Variants in ALPK2 observed in about 807,000 individuals in gnomAD.
ALPK2 encodes the protein alpha kinase 2, also known as alpha-protein kinase 2.
In ALPK2, 127 loss-of-function variants were observed where a neutral mutation model predicts 163.1. The ratio of observed to expected loss-of-function variants is 0.78; its 90% CI spans 0.67 to 0.90. The LOEUF is 0.90. ALPK2 is among the 40% of genes least tolerant of loss of function. The pLI, the probability that ALPK2 is intolerant of heterozygous loss-of-function variation, is 0.00. For missense variants in ALPK2, 2,360 were observed against 2,589.6 expected, an observed-to-expected ratio of 0.91 and a Z score of 1.92; for synonymous variants, 953 against 959.1, an observed-to-expected ratio of 0.99 and a Z score of 0.12.
chr18:58,522,982 A>G (rs2144131905), intron 8 of ALPK2, among the ~76,000 whole-genome samples: 1 of 150,148 alleles, frequency 6.7e-6, no homozygotes, highest in South Asian at 2.1e-4. Context: ...TTACATATGT[A>G]TACATGTGCC....
chr18:58,616,528 G>A (rs12326179), intron 1 of ALPK2, among the ~76,000 whole-genome samples: 3,010 of 152,214 alleles, frequency 0.02, 99 homozygotes, highest in African/African-American at 0.069. Context: ...GTTGTCAATC[G>A]TGCCTATGTA....
chr18:58,525,282 G>C (rs1456789364), intron 6 of ALPK2, among the ~76,000 whole-genome samples: 1 of 152,164 alleles, frequency 6.6e-6, no homozygotes, highest in Non-Finnish European at 1.5e-5. Flanking sequence ...TGGGGTCTCT[G>C]AACATATCCC....
At chr18:58,555,985 C>T (rs1402848659) in intron 4 of ALPK2, among the ~76,000 whole-genome samples, 1 of 152,098 alleles carries the variant, frequency 6.6e-6, no homozygotes, top group Admixed American at 6.5e-5. Context: ...CCACGCCTGG[C>T]TAATTTTTGT....
chr18:58,488,371 T>A (rs1436710362), intron 12 of ALPK2, among the ~76,000 whole-genome samples: 2 of 149,850 alleles, frequency 1.3e-5, no homozygotes, highest in Admixed American at 1.4e-4. Flanking sequence ...CTCATCCTAA[T>A]AATGAATGGC....
rs537288709 is a variant in ALPK2 at position 58,522,095 on chromosome 18, CTG to C, written c.5665+1709_5665+1710del. ...ATCTTTAAGATGCTAGTTCAATTAA[CTG>C]TCAGAATTTATCCAATTTCTCCTAA... On this transcript the variant is annotated intron_variant, in intron 8 of 12. Coordinates refer to ENST00000361673, the MANE Select transcript of ALPK2 (RefSeq NM_052947.4). Among the ~76,000 whole-genome samples, 48 of 152,362 alleles carry C rather than the reference CTG, an allele frequency of 3.2e-4. No individual in the cohort carries two copies. The South Asian group carries it at 8.9e-3, about 28-fold the overall frequency.
chr18:58,514,715 A>G lies in ALPK2; in HGVS notation c.6029+278T>C, dbSNP rs2051512022. Among the ~76,000 whole-genome samples the G allele has an allele frequency of 2.6e-5, 4 of 151,788 alleles. No homozygotes were observed. In the South Asian group the frequency reaches 8.3e-4, roughly 32 times the overall value. On this transcript the variant is annotated intron_variant, in intron 10 of 12. Coordinates refer to ENST00000361673, the MANE Select transcript of ALPK2 (RefSeq NM_052947.4). Reference sequence around the variant, plus strand: ...CTTTTCTATTTAACATGGTAGATTCATTTATTGGCTGGATTAATCCATACA... The same window carrying G: ...CTTTTCTATTTAACATGGTAGATTCGTTTATTGGCTGGATTAATCCATACA...
intron 3 of ALPK2, among the ~76,000 whole-genome samples, chr18:58,592,832 CACTT>C (rs753563986): frequency 2.0e-4 from 30 of 152,190 alleles, no homozygotes; most frequent in Non-Finnish European, 3.5e-4. Flanking sequence ...TTGGAGAAGC[CACTT>C]GACAGCTCTG....
intron 4 of ALPK2, among the ~76,000 whole-genome samples, chr18:58,555,263 G>C (rs888284520): frequency 6.6e-6 from 1 of 152,186 alleles, no homozygotes; most frequent in Non-Finnish European, 1.5e-5. Context: ...TGTGGATTTG[G>C]AAGTAATTAA....
At chr18:58,569,203 G>T (rs373029517) in intron 4 of ALPK2, among the ~76,000 whole-genome samples, 3 of 152,122 alleles carry the variant, frequency 2.0e-5, no homozygotes, top group Non-Finnish European at 2.9e-5. Context: ...CCCAGTCTTG[G>T]GGGGGAGAAA....
intron 4 of ALPK2, among the ~76,000 whole-genome samples, chr18:58,540,235 G>A (rs1185875860): frequency 6.6e-6 from 1 of 151,982 alleles, no homozygotes; most frequent in Non-Finnish European, 1.5e-5. Flanking sequence ...GACAGCTGTA[G>A]CCAACTTCAC....
At chr18:58,560,447 C>A (rs1413544973) in intron 4 of ALPK2, among the ~76,000 whole-genome samples, 3 of 152,324 alleles carry the variant, frequency 2.0e-5, no homozygotes, top group African/African-American at 7.2e-5. Flanking sequence ...TGGCCTGCAT[C>A]CCTTGGCACA....
At chr18:58,508,846 G>A (rs1449740650) in intron 10 of ALPK2, among the ~76,000 whole-genome samples, 1 of 151,806 alleles carries the variant, frequency 6.6e-6, no homozygotes, top group Non-Finnish European at 1.5e-5. Flanking sequence ...TCTGGATTGG[G>A]ACCCCTTTCC....
intron 3 of ALPK2, among the ~76,000 whole-genome samples, chr18:58,589,005 T>C (rs954642745): frequency 2.0e-5 from 3 of 152,186 alleles, no homozygotes; most frequent in Admixed American, 2.0e-4. Flanking sequence ...GTTTTGACCC[T>C]GAGGATCCCT....
In ALPK2 at chr18:58,597,661, C is replaced by T. The variant is rs2052047588; in HGVS notation, c.227+9661G>A. ...TTCTGAACCAGTGGGTCCCTGTCCA[C>T]CCCCACTGGCTCATCTTAGTCTGGC... On this transcript the variant is annotated intron_variant, in intron 3 of 12. Coordinates refer to ENST00000361673, the MANE Select transcript of ALPK2 (RefSeq NM_052947.4). Among the ~76,000 whole-genome samples the T allele has an allele frequency of 2.0e-5, 3 of 152,194 alleles. No homozygotes were observed. The South Asian group carries it at 6.2e-4, about 32-fold the overall frequency.
intron 9 of ALPK2, among the ~76,000 whole-genome samples, chr18:58,516,098 A>T (rs1245095101): frequency 4.6e-5 from 7 of 152,156 alleles, no homozygotes. Context: ...ATGCGCCTGT[A>T]GTCCTAGCTA....
At chr18:58,544,431 T>C (rs1055733403) in intron 4 of ALPK2, 2 of 152,222 alleles carry the variant, frequency 1.3e-5, no homozygotes, top group South Asian at 4.1e-4. Context: ...GCCAGCCAAG[T>C]GCATGACACT....
In ALPK2 at chr18:58,523,930, T is replaced by C; in HGVS notation, c.5629+5A>G. ...AGTGGTTTTTCATTGAAAACTGTGG[T>C]TTACCTTCAGCTGTGAGGTTAAATT... On this transcript the variant is annotated splice_donor_5th_base_variant and intron_variant, in intron 7 of 12. Transcript: ENST00000361673. 6.2e-7 allele frequency: 1 copy of C among 1,614,132 alleles called. No individual in the cohort carries two copies. Among genetic ancestry groups the C allele is most frequent in the Non-Finnish European group, 8.5e-7 (1 of 1,180,004 alleles).
At chr18:58,574,949 C>T (rs937284133) in intron 4 of ALPK2, among the ~76,000 whole-genome samples, 2 of 152,152 alleles carry the variant, frequency 1.3e-5, no homozygotes, top group African/African-American at 4.8e-5. Context: ...CATGGTGGCT[C>T]ACGCCTGTAA....
chr18:58,514,086 A>G (rs1568071313), intron 10 of ALPK2, among the ~76,000 whole-genome samples: 1 of 152,100 alleles, frequency 6.6e-6, no homozygotes, highest in Non-Finnish European at 1.5e-5. Context: ...TTCCCATATC[A>G]TGAAAGCTTA....
Sources: allele counts gnomAD v4.1 joint callset (sites outside exome capture counted in the v4.1 genomes callset), GRCh38; gene constraint gnomAD v4.1.1; transcripts MANE v1.5; gene names NCBI Gene and HGNC (gene_info 2026-07-23, HGNC 2026-07-21).